ZFPM2: variants seen among roughly 807,000 people sequenced by gnomAD.
The protein encoded by ZFPM2 is zinc finger protein ZFPM2.
In ZFPM2, 20 loss-of-function variants were observed where a neutral mutation model predicts 98.6. The observed-to-expected ratio is 0.20, with a 90% CI of 0.14 to 0.29. ZFPM2 has a LOEUF of 0.29. Among genes scored for constraint, ZFPM2 ranks in the 10% least tolerant of loss-of-function variants. The probability of loss-of-function intolerance (pLI) is 1.00; values close to 1 mark genes in which losing one functional copy is unlikely to be tolerated. For missense variants in ZFPM2, 1,310 were observed against 1,388.6 expected, an observed-to-expected ratio of 0.94 and a Z score of 0.90; for synonymous variants, 518 against 502.7, an observed-to-expected ratio of 1.03 and a Z score of -0.41.
intron 3 of ZFPM2, among the ~76,000 whole-genome samples, chr8:105,467,415 T>G (rs1288619409): frequency 6.6e-6 from 1 of 152,090 alleles, no homozygotes; most frequent in Non-Finnish European, 1.5e-5. Flanking sequence ...TGCTCAGTTA[T>G]TGCTTTTGTT....
intron 3 of ZFPM2, among the ~76,000 whole-genome samples, chr8:105,499,257 A>T (rs1279830481): frequency 6.6e-6 from 1 of 152,100 alleles, no homozygotes; most frequent in Non-Finnish European, 1.5e-5. Context: ...TTCCAGAAAA[A>T]AAAAAAAAGG....
At chr8:105,539,486 A>T (rs1303385393) in intron 3 of ZFPM2, among the ~76,000 whole-genome samples, 2 of 152,166 alleles carry the variant, frequency 1.3e-5, no homozygotes, top group African/African-American at 4.8e-5. Context: ...ACTTGGAGCC[A>T]CAGTTTCATT....
intron 4 of ZFPM2, among the ~76,000 whole-genome samples, chr8:105,617,647 G>T (rs182987889): frequency 1.3e-5 from 2 of 152,240 alleles, no homozygotes; most frequent in Admixed American, 1.3e-4. Context: ...CTGTGTTATG[G>T]TGAGGCTGTA....
At position 105,785,792 on chromosome 8, in the gene ZFPM2, G is replaced by A. The variant is rs368465255; in HGVS notation, c.533-2926G>A. 2.3e-3 allele frequency among the ~76,000 whole-genome samples: 348 copies of A among 151,954 alleles called. 1 individual carries two copies. The highest frequency in any genetic ancestry group is 7.6e-3 in the African/African-American group (316 of 41,490). On this transcript the variant is annotated intron_variant, in intron 5 of 7. Coordinates refer to ENST00000407775, the MANE Select transcript of ZFPM2 (RefSeq NM_012082.4). ...GCTTGGTGGCTCACGCCTGCAATCC[G>A]AACACTTTGGGAGGCCGAGGCGGGT...
At chr8:105,545,663 C>T (rs1814679502) in intron 3 of ZFPM2, among the ~76,000 whole-genome samples, 1 of 152,016 alleles carries the variant, frequency 6.6e-6, no homozygotes, top group Non-Finnish European at 1.5e-5. Context: ...AGTGAGACCA[C>T]ATAGATAAAG....
intron 1 of ZFPM2, among the ~76,000 whole-genome samples, chr8:105,408,428 G>C (rs1441045380): frequency 6.6e-6 from 1 of 151,686 alleles, no homozygotes; most frequent in African/African-American, 2.4e-5. Context: ...TGTGTCCTAG[G>C]GCATGTTATA....
chr8:105,456,822 A>G (rs1169718785), intron 3 of ZFPM2, among the ~76,000 whole-genome samples: 1 of 151,914 alleles, frequency 6.6e-6, no homozygotes, highest in East Asian at 1.9e-4. Context: ...ACAGGCTCAC[A>G]CCACCATGCC....
At chr8:105,573,522 C>A (rs951108224) in intron 4 of ZFPM2, among the ~76,000 whole-genome samples, 1 of 152,080 alleles carries the variant, frequency 6.6e-6, no homozygotes, top group African/African-American at 2.4e-5. Context: ...GCATCATAAC[C>A]AAAATCAAAG....
chr8:105,557,107 G>A (rs1351615206), intron 3 of ZFPM2, among the ~76,000 whole-genome samples: 3 of 152,066 alleles, frequency 2.0e-5, no homozygotes, highest in Non-Finnish European at 4.4e-5. Context: ...ACCCCTTGGT[G>A]TCTATGGTAC....
intron 2 of ZFPM2, among the ~76,000 whole-genome samples, chr8:105,424,009 A>AG (rs1221842208): frequency 3.9e-5 from 6 of 152,140 alleles, no homozygotes; most frequent in Admixed American, 3.9e-4. Context: ...AACTCAGGTG[A>AG]GGGGGGTGAG....
chr8:105,389,254 C>T (rs1284939879), intron 1 of ZFPM2, among the ~76,000 whole-genome samples: 1 of 151,988 alleles, frequency 6.6e-6, no homozygotes, highest in Non-Finnish European at 1.5e-5. Flanking sequence ...TAATTGAAAT[C>T]TATTAGCATA....
Position 105,693,853 on chromosome 8 carries a change from G to A in ZFPM2, c.532+59496G>A, listed in dbSNP as rs375261995. Among the ~76,000 whole-genome samples, 141 of 151,638 alleles carry A rather than the reference G, an allele frequency of 9.3e-4. 1 individual carries two copies. Among genetic ancestry groups the A allele is most frequent in the African/African-American group, 2.7e-3 (113 of 41,286 alleles). On this transcript the variant is annotated intron_variant, in intron 5 of 7. Coordinates refer to ENST00000407775, the MANE Select transcript of ZFPM2 (RefSeq NM_012082.4). ...TACAATGGGTAATGATCAAATCAGC[G>A]TATTTAAGATATCCATTACTTCAAA...
intron 3 of ZFPM2, among the ~76,000 whole-genome samples, chr8:105,496,673 GT>G (rs35067278): frequency 0.46 from 59,334 of 128,056 alleles, 12,783 homozygotes; most frequent in East Asian, 0.64. Flanking sequence ...TGTTTTTTTG[GT>G]TTTTTTTTTT....
intron 4 of ZFPM2, among the ~76,000 whole-genome samples, chr8:105,608,934 G>T (rs143857383): frequency 1.9e-4 from 29 of 151,822 alleles, no homozygotes; most frequent in African/African-American, 7.0e-4. Flanking sequence ...CTATTTAGTG[G>T]GGGGCGTATA....
In ZFPM2 at chr8:105,318,941, G is replaced by T; in HGVS notation, c.-1G>T. ...CCCCAGCGGCAGCAGCCGCCGCCGAGATGTCCCGGCGAAAGCAAAGCAAAC... is the reference window on the plus strand; with the variant it reads ...CCCCAGCGGCAGCAGCCGCCGCCGATATGTCCCGGCGAAAGCAAAGCAAAC... On this transcript the variant is annotated 5_prime_UTR_variant, in exon 1 of 8. Coordinates refer to ENST00000407775, the MANE Select transcript of ZFPM2 (RefSeq NM_012082.4). The T allele has an allele frequency of 6.9e-7, 1 of 1,445,556 alleles. No homozygotes were observed. The highest frequency in any genetic ancestry group is 9.2e-7 in the Non-Finnish European group (1 of 1,087,500). The allele number at this position is 1,445,556 out of a possible 1,614,324, so 89.5% of individuals were successfully genotyped here. A position where few individuals can be genotyped will look rare whatever the true frequency, so the allele number is the denominator to read the frequency against.
intron 5 of ZFPM2, among the ~76,000 whole-genome samples, chr8:105,743,305 G>T (rs1020345998): frequency 1.3e-5 from 2 of 152,006 alleles, no homozygotes. Flanking sequence ...GAGAATTTCA[G>T]TCAGACCTGT....
chr8:105,603,659 ACCAGT>A (rs1265744045), intron 4 of ZFPM2, among the ~76,000 whole-genome samples: 1 of 152,094 alleles, frequency 6.6e-6, no homozygotes, highest in African/African-American at 2.4e-5. Context: ...GACATCACCC[ACCAGT>A]GTGAGTCCTA....
At chr8:105,637,037 A>G (rs1354161444) in intron 5 of ZFPM2, among the ~76,000 whole-genome samples, 2 of 152,150 alleles carry the variant, frequency 1.3e-5, no homozygotes, top group Non-Finnish European at 2.9e-5. Context: ...CATTTGTCCA[A>G]CTTAGGGTTG....
chr8:105,379,481 C>T (rs1367096357), intron 1 of ZFPM2, among the ~76,000 whole-genome samples: 8 of 152,238 alleles, frequency 5.3e-5, no homozygotes, highest in African/African-American at 1.7e-4. Context: ...GGTCCGGGCA[C>T]GGTGGCTCAC....
Sources: allele counts gnomAD v4.1 joint callset (sites outside exome capture counted in the v4.1 genomes callset), GRCh38; gene constraint gnomAD v4.1.1; transcripts MANE v1.5; gene names NCBI Gene and HGNC (gene_info 2026-07-23, HGNC 2026-07-21).